Variants in DLGAP2 observed in about 807,000 individuals in gnomAD.
DLGAP2 encodes the protein DLG associated protein 2.
In DLGAP2, 26 loss-of-function variants were observed where a neutral mutation model predicts 100.3. The ratio of observed to expected loss-of-function variants is 0.26; its 90% CI spans 0.19 to 0.36. DLGAP2 has a LOEUF of 0.36. Ranked by LOEUF, DLGAP2 falls within the 10% of genes least tolerant of loss-of-function variation. The probability of loss-of-function intolerance (pLI) is 1.00; values close to 1 mark genes in which losing one functional copy is unlikely to be tolerated. For missense variants in DLGAP2, 1,858 were observed against 1,453.2 expected, an observed-to-expected ratio of 1.28 and a Z score of -4.53; for synonymous variants, 886 against 630.1, an observed-to-expected ratio of 1.41 and a Z score of -6.08.
chr8:1,630,942 C>CGGGAGGTCCGGGTGTCCCGAGGGTCTT (rs1797627635), intron 7 of DLGAP2, among the ~76,000 whole-genome samples: 2 of 120,032 alleles, frequency 1.7e-5, no homozygotes, highest in African/African-American at 6.1e-5. Context: ...CCGAGGGTCT[C>CGGGAGGTCCGGGTGTCCCGAGGGTCTT]GGCGGGAGGT....
intron 3 of DLGAP2, among the ~76,000 whole-genome samples, chr8:1,271,191 G>A (rs1213967573): frequency 1.3e-5 from 2 of 152,118 alleles, no homozygotes; most frequent in Non-Finnish European, 2.9e-5. Flanking sequence ...AAAATAACAT[G>A]AATTGGGAGT....
intron 8 of DLGAP2, among the ~76,000 whole-genome samples, chr8:1,634,878 G>C (rs1563270822): frequency 6.6e-6 from 1 of 152,088 alleles, no homozygotes; most frequent in Non-Finnish European, 1.5e-5. Context: ...TGTTTACCAT[G>C]TATATTTTGT....
chr8:1,555,992 T>C lies in DLGAP2; in HGVS notation c.1230+6309T>C, dbSNP rs552944621. Among the ~76,000 whole-genome samples, 162 of 152,316 alleles carry C rather than the reference T, an allele frequency of 1.1e-3. 4 individuals are homozygous for C. The South Asian group carries it at 0.033, about 31-fold the overall frequency. ...GAACATGGAACACTGGGTGGGTGCA[T>C]GCGCTGTTTTATCCAGGTTTACCAG... is the stretch of plus-strand genomic sequence containing the variant. On this transcript the variant is annotated intron_variant, in intron 5 of 14. Transcript: ENST00000637795.
intron 3 of DLGAP2, among the ~76,000 whole-genome samples, chr8:1,351,098 C>G (rs375669592): frequency 0.023 from 224 of 9,674 alleles, 16 homozygotes; most frequent in East Asian, 0.061. Context: ...CGGGTCCTGA[C>G]TGTGTGTGGA....
chr8:1,676,576 G>A lies in DLGAP2; in HGVS notation c.2246G>A (p.Arg749Gln), dbSNP rs555422589. 19 of 1,613,518 alleles carry A rather than the reference G, an allele frequency of 1.2e-5. No homozygotes were observed. The highest frequency in any genetic ancestry group is 2.2e-5 in the East Asian group (1 of 44,858). The stretch of plus-strand genomic sequence containing the variant: ...TCTGACACGGAGAGCCGCGGTCTGC[G>A]GGAATACCACTCTGTCGGGGTGCAA... ...TDSDTESRGLREYHSVGVQVE... is the reference protein window; with the variant it reads ...TDSDTESRGLQEYHSVGVQVE... The change falls in exon 11 of 15, where the codon CGG becomes CAG. Residue 749 changes from arginine (R) to glutamine (Q), a missense_variant. By Grantham distance (43) the Arg-to-Gln change is conservative. Transcript: ENST00000637795.
At chr8:1,487,241 C>T (rs1799255953) in intron 3 of DLGAP2, among the ~76,000 whole-genome samples, 1 of 152,160 alleles carries the variant, frequency 6.6e-6, no homozygotes, top group Admixed American at 6.5e-5. Context: ...TAACAAATGC[C>T]ATTCACTGTT....
intron 2 of DLGAP2, among the ~76,000 whole-genome samples, chr8:1,000,494 G>A (rs1236552389): frequency 6.6e-6 from 1 of 151,482 alleles, no homozygotes; most frequent in Non-Finnish European, 1.5e-5. Flanking sequence ...GATCCGGGTG[G>A]GGGTGGTTTT....
At chr8:761,189 C>A (rs1455203037) in intron 1 of DLGAP2, among the ~76,000 whole-genome samples, 3 of 152,156 alleles carry the variant, frequency 2.0e-5, no homozygotes, top group African/African-American at 7.2e-5. Flanking sequence ...CTGCTCCCCC[C>A]CACTTTACTT....
Position 1,549,326 on chromosome 8 carries a change from C to T in DLGAP2, c.873C>T (p.Pro291=), listed in dbSNP as rs375164454. ...GCAAGCCGGAGGGCAAGCCCCGGCCCGGCATGAGCAGCTGGTGGAGCTCGG... is the reference window on the plus strand; with the variant it reads ...GCAAGCCGGAGGGCAAGCCCCGGCCTGGCATGAGCAGCTGGTGGAGCTCGG... ...KERKPEGKPR[P]GMSSWWSSDD... Residue 291 remains proline (P), a synonymous_variant, in exon 5 of 15, where the codon CCC becomes CCT. Coordinates refer to ENST00000637795, the MANE Select transcript of DLGAP2 (RefSeq NM_001346810.2). 13 of 1,612,972 alleles carry T rather than the reference C, an allele frequency of 8.1e-6. 1 individual carries two copies. The highest frequency in any genetic ancestry group is 5.5e-5 in the South Asian group (5 of 91,058).
chr8:950,853 T>A (rs1306997851), intron 2 of DLGAP2, among the ~76,000 whole-genome samples: 1 of 152,070 alleles, frequency 6.6e-6, no homozygotes, highest in Non-Finnish European at 1.5e-5. Context: ...CTCGATTTCC[T>A]GACCTTGTGG....
intron 2 of DLGAP2, among the ~76,000 whole-genome samples, chr8:954,560 C>T (rs1799554288): frequency 6.6e-6 from 1 of 152,098 alleles, no homozygotes; most frequent in Non-Finnish European, 1.5e-5. Context: ...CTTCATACAT[C>T]AGAAAGGGTA....
intron 3 of DLGAP2, among the ~76,000 whole-genome samples, chr8:1,417,754 C>G (rs998206660): frequency 1.0e-5 from 1 of 98,990 alleles, no homozygotes; most frequent in Non-Finnish European, 2.0e-5. Flanking sequence ...GACCTATGAA[C>G]GGACCAGAGG....
chr8:1,328,482 G>A (rs1035281568), intron 3 of DLGAP2, among the ~76,000 whole-genome samples: 1 of 151,872 alleles, frequency 6.6e-6, no homozygotes, highest in African/African-American at 2.4e-5. Context: ...ACTAATTTGT[G>A]TGTGTTTTTT....
At chr8:1,019,988 G>C (rs935380339) in intron 2 of DLGAP2, among the ~76,000 whole-genome samples, 1 of 152,148 alleles carries the variant, frequency 6.6e-6, no homozygotes. Flanking sequence ...CTTTGGTTCA[G>C]TATTTTATTT....
chr8:1,331,615 C>T (rs1270757104), intron 3 of DLGAP2, among the ~76,000 whole-genome samples: 1 of 152,162 alleles, frequency 6.6e-6, no homozygotes, highest in Admixed American at 6.5e-5. Context: ...TTCTTGGATG[C>T]TTCTTTTGTG....
intron 3 of DLGAP2, among the ~76,000 whole-genome samples, chr8:1,309,788 A>G (rs1341784024): frequency 1.3e-5 from 2 of 152,222 alleles, no homozygotes; most frequent in Middle Eastern, 3.2e-3. Context: ...CGTGCACTCA[A>G]TGTGTAAAGG....
chr8:848,831 C>A (rs76837433), intron 1 of DLGAP2, among the ~76,000 whole-genome samples: 1 of 148,686 alleles, frequency 6.7e-6, no homozygotes, highest in African/African-American at 2.5e-5. Flanking sequence ...TTGTTCCAGT[C>A]TAGGATCTTG....
At chr8:1,207,178 T>C (rs1798014336) in intron 2 of DLGAP2, among the ~76,000 whole-genome samples, 1 of 152,362 alleles carries the variant, frequency 6.6e-6, no homozygotes, top group East Asian at 1.9e-4. Flanking sequence ...GAGATTTTAG[T>C]GCACGCAAGC....
intron 1 of DLGAP2, among the ~76,000 whole-genome samples, chr8:810,648 A>T (rs912113921): frequency 6.6e-6 from 1 of 152,254 alleles, no homozygotes; most frequent in Non-Finnish European, 1.5e-5. Flanking sequence ...AACTATAAAA[A>T]GGTGTAATTG....
Sources: allele counts gnomAD v4.1 joint callset (sites outside exome capture counted in the v4.1 genomes callset), GRCh38; gene constraint gnomAD v4.1.1; transcripts MANE v1.5; gene names NCBI Gene and HGNC (gene_info 2026-07-23, HGNC 2026-07-21).